Variants in ING4 observed in about 807,000 individuals in gnomAD.
The protein encoded by ING4 is inhibitor of growth family member 4, also known as inhibitor of growth protein 4.
ING4 carries 28 observed loss-of-function variants against 33.1 expected under a neutral mutation model. The ratio of observed to expected loss-of-function variants is 0.85; its 90% CI spans 0.63 to 1.16. The LOEUF is 1.16. Ranked by LOEUF, ING4 falls within the 50% of genes most tolerant of loss-of-function variation. ING4 has a pLI of 0.00. For missense variants in ING4, 247 were observed against 314.7 expected (o/e 0.78, Z 1.63); for synonymous variants, 87 against 104.4 (o/e 0.83, Z 1.02).
chr12:6,654,392 G>C (rs1949285298), intron 2 of ING4, among the ~76,000 whole-genome samples: 1 of 151,208 alleles, frequency 6.6e-6, no homozygotes, highest in Non-Finnish European at 1.5e-5. Context: ...GAGTGCAGTG[G>C]CATGATCATG....
At position 6,650,848 on chromosome 12, in the gene ING4, T is replaced by C; in HGVS notation, c.*347A>G. ...GAAGAGGTCTGGGGGACTGCCCCCA[T>C]GCTATGCCCCAGTCCTTAAATACAA... On this transcript the variant is annotated 3_prime_UTR_variant, in exon 8 of 8. Coordinates refer to ENST00000341550, the MANE Select transcript of ING4 (RefSeq NM_016162.4). 2.9e-6 allele frequency: 1 copy of C among 348,124 alleles called. No individual in the cohort carries two copies. The highest frequency in any genetic ancestry group is 3.3e-5 in the South Asian group (1 of 30,196). 21.6% of individuals were successfully genotyped at this position (348,124 alleles called of 1,614,324 possible).
Position 6,651,008 on chromosome 12 carries a change from G to A in ING4, c.*187C>T, listed in dbSNP as rs1949162154. 9.1e-6 allele frequency: 6 copies of A among 661,718 alleles called. No individual in the cohort carries two copies. The highest frequency in any genetic ancestry group is 8.3e-4 in the Middle Eastern group (2 of 2,396). 41.0% of individuals were successfully genotyped at this position (661,718 alleles called of 1,614,324 possible). On this transcript the variant is annotated 3_prime_UTR_variant, in exon 8 of 8. Coordinates refer to ENST00000341550, the MANE Select transcript of ING4 (RefSeq NM_016162.4). ...GAGAGCACATACCGTTAGTGGCTGC[G>A]GCACCCCTCCCTACCAGGGTCTGAT...
At chr12:6,661,330 T>C (rs1949541366) in intron 1 of ING4, among the ~76,000 whole-genome samples, 1 of 151,230 alleles carries the variant, frequency 6.6e-6, no homozygotes, top group South Asian at 2.1e-4. Context: ...TCTCCTGACC[T>C]CATGATCCGC....
chr12:6,651,358 AG>A lies in ING4; in HGVS notation c.672del (p.Cys225ValfsTer4). On this transcript the variant is annotated frameshift_variant, in exon 7 of 8. Transcript: ENST00000341550. LOFTEE classifies it high-confidence loss of function. ...PDCSIEWFHF[A>X]CVGLTTKPRG... ...CGAGGCTTGGTTGTCAGCCCCACACAGGCAAAATGGAACCACTCAATGGAAC... is the reference window on the plus strand; with the variant it reads ...CGAGGCTTGGTTGTCAGCCCCACACAGCAAAATGGAACCACTCAATGGAAC... 1 of 1,614,154 alleles carries A rather than the reference AG, an allele frequency of 6.2e-7. No individual in the cohort carries two copies. Among genetic ancestry groups the A allele is most frequent in the Non-Finnish European group, 8.5e-7 (1 of 1,180,016 alleles).
chr12:6,654,031 T>G (rs1186745326), intron 2 of ING4, among the ~76,000 whole-genome samples: 1 of 152,022 alleles, frequency 6.6e-6, no homozygotes, highest in African/African-American at 2.4e-5. Context: ...GAGACAGGCT[T>G]TTTCCACGTT....
chr12:6,654,559 G>C (rs185148566), intron 2 of ING4, among the ~76,000 whole-genome samples: 49 of 151,570 alleles, frequency 3.2e-4, no homozygotes, highest in African/African-American at 1.2e-3. Flanking sequence ...GGCTGGTCTT[G>C]AACTCCTGGT....
intron 5 of ING4, 21 bp from the exon 6 acceptor site, chr12:6,652,439 A>G: frequency 1.9e-6 from 3 of 1,612,382 alleles, no homozygotes; most frequent in Non-Finnish European, 2.5e-6. Flanking sequence ...AGAGGAAGAG[A>G]AAGTGTCATC....
intron 5 of ING4, 88 bp from the exon 6 acceptor site, chr12:6,652,506 G>A: frequency 6.8e-7 from 1 of 1,469,210 alleles, no homozygotes; most frequent in Admixed American, 1.8e-5. Flanking sequence ...ATCCTGGTAG[G>A]GCAAATGATT....
intron 1 of ING4, among the ~76,000 whole-genome samples, chr12:6,658,110 C>T (rs970197794): frequency 6.6e-6 from 1 of 151,500 alleles, no homozygotes; most frequent in Admixed American, 6.6e-5. Context: ...CAGGCGCGCG[C>T]CACCACACCC....
rs543951410 is a variant in ING4, at chr12:6,652,597, G to C, written c.497+65C>G. The C allele has an allele frequency of 5.3e-4, 776 of 1,475,704 alleles. 4 individuals carry two copies. Among genetic ancestry groups the C allele is most frequent in the South Asian group, 6.3e-4 (55 of 87,690 alleles). The allele number at this position is 1,475,704 out of a possible 1,614,324, so 91.4% of individuals were successfully genotyped here. On this transcript the variant is annotated intron_variant, in intron 5 of 7. Coordinates refer to ENST00000341550, the MANE Select transcript of ING4 (RefSeq NM_016162.4). Reference sequence around the variant, plus strand: ...TAGAAAGCGGCAGGGGGCGGTGCAGGCTGGGAGTGGGGCACCGGGAGAGAA... The same window carrying C: ...TAGAAAGCGGCAGGGGGCGGTGCAGCCTGGGAGTGGGGCACCGGGAGAGAA...
At chr12:6,658,196 G>A (rs1230900347) in intron 1 of ING4, among the ~76,000 whole-genome samples, 1 of 151,724 alleles carries the variant, frequency 6.6e-6, no homozygotes, top group Non-Finnish European at 1.5e-5. Context: ...CTGGCCTCAG[G>A]TGATCCGCCC....
At chr12:6,654,652 G>T (rs565849323) in intron 2 of ING4, among the ~76,000 whole-genome samples, 1 of 151,878 alleles carries the variant, frequency 6.6e-6, no homozygotes, top group East Asian at 1.9e-4. Context: ...ATCCTATTTG[G>T]CTCATCATTG....
At chr12:6,659,681 C>T (rs1220528700) in intron 1 of ING4, among the ~76,000 whole-genome samples, 1 of 151,090 alleles carries the variant, frequency 6.6e-6, no homozygotes, top group African/African-American at 2.4e-5. Context: ...GCCGTGGTGG[C>T]GGGCGCCTGT....
chr12:6,661,098 T>C (rs1344376067), intron 1 of ING4, among the ~76,000 whole-genome samples: 1 of 150,464 alleles, frequency 6.6e-6, no homozygotes, highest in Non-Finnish European at 1.5e-5. Flanking sequence ...CCAGCCTTTT[T>C]GTTTTTGTTT....
rs374088120 is a variant in ING4, at chr12:6,652,613, C to G, written c.497+49G>C. Reference sequence around the variant, plus strand: ...GCGGTGCAGGCTGGGAGTGGGGCACCGGGAGAGAAGAGGATGTCATCCGGC... The same window carrying G: ...GCGGTGCAGGCTGGGAGTGGGGCACGGGGAGAGAAGAGGATGTCATCCGGC... On this transcript the variant is annotated intron_variant, in intron 5 of 7. Transcript: ENST00000341550. 2.1e-5 allele frequency: 33 copies of G among 1,539,932 alleles called. No homozygotes were observed. The Middle Eastern group carries it at 1.3e-3, about 63-fold the overall frequency.
intron 2 of ING4, chr12:6,656,451 A>G: frequency 3.2e-6 from 1 of 311,902 alleles, no homozygotes; most frequent in South Asian, 3.3e-5. Context: ...CTGGGATTAC[A>G]GGTGTGAGCC....
intron 7 of ING4, 22 bp downstream of exon 7, chr12:6,651,302 C>T: frequency 6.2e-7 from 1 of 1,614,070 alleles, no homozygotes; most frequent in Non-Finnish European, 8.5e-7. Flanking sequence ...AACTTAGGGA[C>T]CCTCCAACTC....
intron 2 of ING4, among the ~76,000 whole-genome samples, chr12:6,653,613 T>C (rs1949254423): frequency 6.6e-6 from 1 of 152,236 alleles, no homozygotes; most frequent in African/African-American, 2.4e-5. Flanking sequence ...AACATTGCTA[T>C]CATAGTTGGA....
chr12:6,654,076 T>C (rs1051710105), intron 2 of ING4, among the ~76,000 whole-genome samples: 1 of 151,762 alleles, frequency 6.6e-6, no homozygotes, highest in African/African-American at 2.4e-5. Flanking sequence ...GGTCAAGCAA[T>C]CTGCCTGCTT....
Sources: gnomAD v4.1 joint callset for allele counts (sites outside exome capture counted in the v4.1 genomes callset) on GRCh38, gnomAD v4.1.1 for gene constraint, MANE v1.5 for transcripts, NCBI Gene and HGNC (gene_info 2026-07-23, HGNC 2026-07-21) for gene names.